The following RBFOX1 variants were observed in gnomAD, a reference collection of about 807,000 sequenced individuals.
RBFOX1 encodes the protein RNA binding fox-1 homolog 1, also known as RNA binding protein fox-1 homolog 1.
In RBFOX1, 8 loss-of-function variants were observed where a neutral mutation model predicts 57.7. The observed-to-expected ratio is 0.14, with a 90% CI of 0.08 to 0.25. The LOEUF is 0.25. Ranked by LOEUF, RBFOX1 falls within the 10% of genes least tolerant of loss-of-function variation. RBFOX1 has a pLI of 1.00. For missense variants in RBFOX1, 611 were observed against 548.5 expected (o/e 1.11, Z -1.14); for synonymous variants, 326 against 222.4 (o/e 1.47, Z -4.15).
chr16:5,362,837 C>G (rs2065592058), intron 1 of RBFOX1, among the ~76,000 whole-genome samples: 1 of 152,222 alleles, frequency 6.6e-6, no homozygotes, highest in Non-Finnish European at 1.5e-5. Context: ...AGCATAATGT[C>G]TCCCCATATT....
At chr16:6,823,584 T>C (rs548976603) in intron 3 of RBFOX1, among the ~76,000 whole-genome samples, 27 of 152,236 alleles carry the variant, frequency 1.8e-4, no homozygotes, top group African/African-American at 6.3e-4. Context: ...TAAGGGAGTA[T>C]ATTATCTTCT....
At chr16:7,691,903 AG>A (rs1270020533) in intron 14 of RBFOX1, among the ~76,000 whole-genome samples, 3 of 152,144 alleles carry the variant, frequency 2.0e-5, no homozygotes, top group East Asian at 1.9e-4. Context: ...TAGCATTCTT[AG>A]GAGCATTCTG....
Position 6,447,371 on chromosome 16 carries a change from C to G in RBFOX1, c.-64+130314C>G, listed in dbSNP as rs137942857. ...ATCCCTCAAGACCAACAATTACATA[C>G]CTGTTTGAAGCTAATTGGACTATAC... is the stretch of plus-strand genomic sequence containing the variant. On this transcript the variant is annotated intron_variant, in intron 2 of 15. Transcript: ENST00000550418. Among the ~76,000 whole-genome samples, 121 of 152,256 alleles carry G rather than the reference C, an allele frequency of 7.9e-4. 2 individuals are homozygous for G. In the East Asian group the frequency reaches 0.018, roughly 22 times the overall value.
intron 1 of RBFOX1, among the ~76,000 whole-genome samples, chr16:6,183,429 G>A (rs567085369): frequency 9.1e-4 from 138 of 151,902 alleles, no homozygotes; most frequent in African/African-American, 3.0e-3. Flanking sequence ...GCAGTGAGCC[G>A]AGATCGCGCC....
At chr16:6,698,017 C>A (rs1160094877) in intron 3 of RBFOX1, among the ~76,000 whole-genome samples, 3 of 152,182 alleles carry the variant, frequency 2.0e-5, no homozygotes, top group Non-Finnish European at 4.4e-5. Context: ...TTATCCTCCT[C>A]AGTAATTAAA....
intron 4 of RBFOX1, among the ~76,000 whole-genome samples, chr16:7,309,871 T>G (rs540134801): frequency 6.6e-6 from 1 of 152,218 alleles, no homozygotes; most frequent in Non-Finnish European, 1.5e-5. Flanking sequence ...TGGGTGTAAT[T>G]GTCCCATCTG....
chr16:6,308,816 T>C (rs1358692203), intron 1 of RBFOX1, among the ~76,000 whole-genome samples: 1 of 152,100 alleles, frequency 6.6e-6, no homozygotes, highest in Non-Finnish European at 1.5e-5. Flanking sequence ...AAAATAGATA[T>C]GGGGGATGTA....
rs550645941 is a variant in RBFOX1, at chr16:6,539,103, G to A, written c.-63-115500G>A. Among the ~76,000 whole-genome samples the A allele has an allele frequency of 2.0e-5, 3 of 149,654 alleles. No homozygotes were observed. The South Asian group carries it at 6.4e-4, about 32-fold the overall frequency. On this transcript the variant is annotated intron_variant, in intron 2 of 15. Coordinates refer to ENST00000550418, the MANE Select transcript of RBFOX1 (RefSeq NM_018723.4). ...CTGACTCCTTTGACCCTGGCAGAAA[G>A]AACAGTTGATGATATTTGGTGAAAA...
At chr16:5,638,145 G>A (rs2048746191) in intron 3 of RBFOX1, among the ~76,000 whole-genome samples, 1 of 152,164 alleles carries the variant, frequency 6.6e-6, no homozygotes, top group South Asian at 2.1e-4. Flanking sequence ...TTTTACATAT[G>A]TGATTATTGA....
At chr16:5,615,900 C>G (rs1414964845) in intron 3 of RBFOX1, among the ~76,000 whole-genome samples, 2 of 152,168 alleles carry the variant, frequency 1.3e-5, no homozygotes, top group Non-Finnish European at 2.9e-5. Flanking sequence ...CTGTTCAGTG[C>G]TTAAAACGGG....
chr16:6,983,015 AAAGG>A (rs1342625190), intron 3 of RBFOX1, among the ~76,000 whole-genome samples: 9 of 146,450 alleles, frequency 6.1e-5, no homozygotes, highest in African/African-American at 7.4e-5. Context: ...AAAAAAAAAA[AAAGG>A]AAAGGTGTCG....
chr16:7,486,089 C>T (rs1356938428), intron 4 of RBFOX1, among the ~76,000 whole-genome samples: 1 of 142,840 alleles, frequency 7.0e-6, no homozygotes, highest in Non-Finnish European at 1.5e-5. Flanking sequence ...CTTCACTGTG[C>T]TGTCTGTGGG....
At chr16:6,330,099 A>G (rs978551774) in intron 2 of RBFOX1, among the ~76,000 whole-genome samples, 1 of 152,216 alleles carries the variant, frequency 6.6e-6, no homozygotes, top group African/African-American at 2.4e-5. Context: ...ACACTGTACA[A>G]TAATGTATGT....
intron 4 of RBFOX1, among the ~76,000 whole-genome samples, chr16:7,174,248 C>T (rs945095913): frequency 6.6e-6 from 1 of 151,922 alleles, no homozygotes; most frequent in African/African-American, 2.4e-5. Context: ...TGTATCACTA[C>T]TTTGTTTCTT....
chr16:6,577,732 G>C (rs1300955107), intron 2 of RBFOX1, among the ~76,000 whole-genome samples: 1 of 152,128 alleles, frequency 6.6e-6, no homozygotes, highest in Non-Finnish European at 1.5e-5. Context: ...TGACAAGGAA[G>C]TGACACACCC....
At chr16:5,570,933 G>T (rs1268181877) in intron 2 of RBFOX1, among the ~76,000 whole-genome samples, 1 of 151,904 alleles carries the variant, frequency 6.6e-6, no homozygotes. Context: ...AGGTCCAGAT[G>T]CTGAGTTTGA....
intron 14 of RBFOX1, among the ~76,000 whole-genome samples, chr16:7,695,464 C>G (rs1189562758): frequency 1.3e-5 from 2 of 151,936 alleles, no homozygotes; most frequent in African/African-American, 2.4e-5. Context: ...ACCAGCCTGG[C>G]CAACATGGTG....
chr16:7,359,392 G>C (rs1052579950), intron 4 of RBFOX1, among the ~76,000 whole-genome samples: 2 of 143,970 alleles, frequency 1.4e-5, no homozygotes, highest in African/African-American at 5.7e-5. Context: ...GTGTGCCTCT[G>C]TGTGTTTGTG....
intron 2 of RBFOX1, among the ~76,000 whole-genome samples, chr16:6,566,286 G>A (rs566697086): frequency 9.1e-4 from 138 of 152,216 alleles, no homozygotes; most frequent in Non-Finnish European, 1.4e-3. Context: ...GCATCATGGC[G>A]AACAGCTATG....
Sources: gnomAD v4.1 joint callset for allele counts (sites outside exome capture counted in the v4.1 genomes callset) on GRCh38, gnomAD v4.1.1 for gene constraint, MANE v1.5 for transcripts, NCBI Gene and HGNC (gene_info 2026-07-23, HGNC 2026-07-21) for gene names.